Variants in RHOBTB1 observed in about 807,000 individuals in gnomAD.
The protein encoded by RHOBTB1 is rho-related BTB domain-containing protein 1.
In RHOBTB1, 40 loss-of-function variants were observed where a neutral mutation model predicts 71.6. That is an observed-to-expected ratio of 0.56 (90% CI 0.43 to 0.73). The LOEUF is 0.73. Ranked by LOEUF, RHOBTB1 falls within the 30% of genes least tolerant of loss-of-function variation. The pLI, the probability that RHOBTB1 is intolerant of heterozygous loss-of-function variation, is 0.00. For synonymous variants in RHOBTB1, 319 were observed against 334.9 expected (o/e 0.95, Z 0.52); for missense variants, 797 against 894.0 (o/e 0.89, Z 1.38).
chr10:60,863,395 TC>T, the RHOBTB1 span, among the ~76,000 whole-genome samples: 1 of 152,214 alleles, frequency 6.6e-6, no homozygotes, highest in Non-Finnish European at 1.5e-5. Flanking sequence ...GCAATTTTTT[TC>T]ATCCGTATTT....
At chr10:60,902,297 G>C (rs2082449305) in intron 4 of RHOBTB1, among the ~76,000 whole-genome samples, 1 of 152,014 alleles carries the variant, frequency 6.6e-6, no homozygotes, top group Non-Finnish European at 1.5e-5. Flanking sequence ...TTAATTTTTT[G>C]AATTATTTGT....
At chr10:60,882,565 A>G (rs1173948716) in intron 7 of RHOBTB1, among the ~76,000 whole-genome samples, 1 of 151,610 alleles carries the variant, frequency 6.6e-6, no homozygotes, top group Non-Finnish European at 1.5e-5. Flanking sequence ...TCTTTTCTGG[A>G]TATGCACATT....
chr10:60,971,960 A>G (rs925266649), intron 2 of RHOBTB1, among the ~76,000 whole-genome samples: 2 of 152,228 alleles, frequency 1.3e-5, no homozygotes, highest in Admixed American at 6.5e-5. Flanking sequence ...ACTGGTCATT[A>G]GAGAAATGCA....
intron 4 of RHOBTB1, among the ~76,000 whole-genome samples, chr10:60,899,521 A>G (rs993068778): frequency 2.6e-5 from 4 of 152,224 alleles, no homozygotes; most frequent in African/African-American, 9.6e-5. Flanking sequence ...CAAACTGGGT[A>G]AACCAGCACG....
intron 4 of RHOBTB1, among the ~76,000 whole-genome samples, chr10:60,908,088 G>A (rs1487297598): frequency 6.6e-6 from 1 of 152,166 alleles, no homozygotes; most frequent in Non-Finnish European, 1.5e-5. Context: ...AATCATAAGA[G>A]AGCAATAACA....
At chr10:60,982,896 C>T (rs1042314078) in intron 2 of RHOBTB1, among the ~76,000 whole-genome samples, 2 of 152,144 alleles carry the variant, frequency 1.3e-5, no homozygotes, top group African/African-American at 4.8e-5. Flanking sequence ...TCCTCTTCCG[C>T]TCCCTTCTTA....
intron 4 of RHOBTB1, among the ~76,000 whole-genome samples, chr10:60,901,846 C>T (rs562510570): frequency 6.6e-6 from 1 of 152,310 alleles, no homozygotes; most frequent in Non-Finnish European, 1.5e-5. Flanking sequence ...ATTCTCTTTG[C>T]CCATTGCAGT....
At chr10:60,929,306 T>C (rs1441944346) in intron 2 of RHOBTB1, among the ~76,000 whole-genome samples, 4 of 152,062 alleles carry the variant, frequency 2.6e-5, no homozygotes, top group Non-Finnish European at 4.4e-5. Context: ...TCCATAATAA[T>C]TGAAAATGAA....
In RHOBTB1 at chr10:60,895,074, T is replaced by C. The variant is rs2082097631; in HGVS notation, c.297-2079A>G. Among the ~76,000 whole-genome samples, 3 of 152,290 alleles carry C rather than the reference T, an allele frequency of 2.0e-5. No individual in the cohort carries two copies. The South Asian group carries it at 6.2e-4, about 32-fold the overall frequency. ...GGTTGGAAAAAAAGGAATCTTGTGA[T>C]GATAGTAGCACAATGCCATCACACA... On this transcript the variant is annotated intron_variant, in intron 4 of 10. Coordinates refer to ENST00000337910, the MANE Select transcript of RHOBTB1 (RefSeq NM_014836.5).
At chr10:60,917,358 C>CGGGAA (rs1217467933) in intron 2 of RHOBTB1, among the ~76,000 whole-genome samples, 4 of 152,136 alleles carry the variant, frequency 2.6e-5, no homozygotes, top group African/African-American at 9.7e-5. Flanking sequence ...TCCTAACTAT[C>CGGGAA]CTCTAAAAAG....
chr10:60,902,490 C>A (rs915346054), intron 4 of RHOBTB1, among the ~76,000 whole-genome samples: 2 of 152,024 alleles, frequency 1.3e-5, no homozygotes, highest in African/African-American at 4.8e-5. Context: ...AGAGGAGAAA[C>A]AACCTATAAT....
chr10:60,911,387 T>C lies in RHOBTB1; in HGVS notation c.156A>G (p.Thr52=), dbSNP rs778984486. ...QYQLLATHVP[T]VWAIDQYRVC... Reference sequence around the variant, plus strand: ...CGCGGTACTGGTCAATCGCCCACACTGTTGGCACGTGGGTGGCCAGCAGCT... The same window carrying C: ...CGCGGTACTGGTCAATCGCCCACACCGTTGGCACGTGGGTGGCCAGCAGCT... Residue 52 remains threonine (T), a synonymous_variant, in exon 3 of 11, where the codon ACA becomes ACG. Transcript: ENST00000337910. 8.7e-6 allele frequency: 14 copies of C among 1,614,034 alleles called. No individual in the cohort carries two copies. The Admixed American group carries it at 2.2e-4, about 25-fold the overall frequency.
chr10:60,875,078 C>G (rs754333457), intron 8 of RHOBTB1, 36 bp from the exon 9 acceptor site: 2 of 1,543,064 alleles, frequency 1.3e-6, no homozygotes, highest in Admixed American at 3.3e-5. Context: ...AACATTAAAC[C>G]ACGCCCTGCG....
In RHOBTB1 at chr10:60,889,089, C is replaced by A; in HGVS notation, c.579G>T (p.Gln193His). 6.2e-7 allele frequency: 1 copy of A among 1,614,190 alleles called. No homozygotes were observed. The highest frequency in any genetic ancestry group is 1.3e-5 in the African/African-American group (1 of 75,050). ...TGTCAAACACATCCTTGATACCAAA[C>A]TGGTCAAACACGCTTGTTTCATAGT... ...LPYYETSVFDQFGIKDVFDNA... is the reference protein window; with the variant it reads ...LPYYETSVFDHFGIKDVFDNA... The change falls in exon 6 of 11, where the codon CAG becomes CAT. Residue 193 changes from glutamine (Q) to histidine (H), a missense_variant. Physicochemically the swap from Gln to His is conservative, Grantham distance 24. Transcript: ENST00000337910.
At chr10:60,893,903 A>T (rs184424519) in intron 4 of RHOBTB1, among the ~76,000 whole-genome samples, 17 of 152,324 alleles carry the variant, frequency 1.1e-4, no homozygotes, top group African/African-American at 3.8e-4. Context: ...CTAGGTTAAA[A>T]TGTGCTGAAT....
At chr10:60,913,612 CT>C (rs2083107790) in intron 2 of RHOBTB1, among the ~76,000 whole-genome samples, 1 of 152,166 alleles carries the variant, frequency 6.6e-6, no homozygotes, top group Admixed American at 6.5e-5. Context: ...GGAAACGTGT[CT>C]GGTTGTCACT....
intron 4 of RHOBTB1, among the ~76,000 whole-genome samples, chr10:60,909,918 A>T (rs1024402134): frequency 3.3e-5 from 5 of 152,220 alleles, no homozygotes; most frequent in Non-Finnish European, 5.9e-5. Context: ...ATTTTAGGCC[A>T]CTTAGATAAA....
At chr10:60,877,840 TA>T in intron 8 of RHOBTB1, 67 bp downstream of exon 8, 1 of 1,477,398 alleles carries the variant, frequency 6.8e-7, no homozygotes, top group Non-Finnish European at 9.2e-7. Context: ...TCTGTAAGAA[TA>T]TTTTTATTTA....
upstream of RHOBTB1, among the ~76,000 whole-genome samples, chr10:60,946,933 C>T (rs2085257973): frequency 6.6e-6 from 1 of 152,170 alleles, no homozygotes; most frequent in Admixed American, 6.5e-5. Context: ...TTGGTATCAA[C>T]AGTAATTCAG....
Sources: allele counts gnomAD v4.1 joint callset (sites outside exome capture counted in the v4.1 genomes callset), GRCh38; gene constraint gnomAD v4.1.1; transcripts MANE v1.5; gene names NCBI Gene and HGNC (gene_info 2026-07-23, HGNC 2026-07-21).